SBF2: variants seen among roughly 807,000 people sequenced by gnomAD.
SBF2 encodes SET binding factor 2.
A neutral mutation model predicts 225.2 loss-of-function variants in SBF2; 112 were observed. The observed-to-expected ratio is 0.50, with a 90% CI of 0.43 to 0.58. The LOEUF (loss-of-function observed/expected upper bound fraction) is 0.58. Among genes scored for constraint, SBF2 ranks in the 20% least tolerant of loss-of-function variants. The probability of loss-of-function intolerance (pLI) is 0.00; values close to 1 mark genes in which losing one functional copy is unlikely to be tolerated. For missense variants in SBF2, 1,996 were observed against 2,206.2 expected (o/e 0.90, Z 1.91); for synonymous variants, 763 against 773.3 (o/e 0.99, Z 0.22).
chr11:9,908,202 A>G (rs185538904), intron 16 of SBF2, among the ~76,000 whole-genome samples: 47 of 146,056 alleles, frequency 3.2e-4, no homozygotes, highest in Admixed American at 3.1e-3. Flanking sequence ...AAGGGCTTGA[A>G]GAAAATTTTT....
At chr11:10,072,568 TCC>T (rs1950925919) in intron 2 of SBF2, among the ~76,000 whole-genome samples, 1 of 152,116 alleles carries the variant, frequency 6.6e-6, no homozygotes, top group Non-Finnish European at 1.5e-5. Context: ...TAAGGTGAGT[TCC>T]ATTTCAATTC....
intron 27 of SBF2, among the ~76,000 whole-genome samples, chr11:9,829,969 T>C (rs2133932693): frequency 6.6e-6 from 1 of 152,358 alleles, no homozygotes; most frequent in Admixed American, 6.5e-5. Flanking sequence ...AGCAACTTTA[T>C]TTCAATTCTG....
rs1262636398 is a variant in SBF2 at position 9,865,717 on chromosome 11, G to GA, written c.1930-7322_1930-7321insT. On this transcript the variant is annotated intron_variant, in intron 17 of 39. Coordinates refer to ENST00000256190, the MANE Select transcript of SBF2 (RefSeq NM_030962.4). Reference sequence around the variant, plus strand: ...AAAAAAAAAAAAAAAAAAAAAAAAAGGCGGGAGGCGTTGGGGGGCGAAACT... The same window carrying GA: ...AAAAAAAAAAAAAAAAAAAAAAAAAGAGCGGGAGGCGTTGGGGGGCGAAACT... Among the ~76,000 whole-genome samples, 40 of 107,664 alleles carry GA rather than the reference G, an allele frequency of 3.7e-4. 6 individuals are homozygous for GA. Among genetic ancestry groups the GA allele is most frequent in the African/African-American group, 1.3e-3 (36 of 27,658 alleles). The allele number at this position is 107,664 out of a possible 152,430, so 70.6% of individuals were successfully genotyped here. A position where few individuals can be genotyped will look rare whatever the true frequency, so the allele number is the denominator to read the frequency against.
In SBF2 at chr11:10,127,084, G is replaced by A. The variant is rs939027687; in HGVS notation, c.141+66818C>T. Among the ~76,000 whole-genome samples the A allele has an allele frequency of 1.2e-4, 18 of 151,980 alleles. 1 individual carries two copies. The highest frequency in any genetic ancestry group is 1.1e-3 in the Admixed American group (17 of 15,260). ...AAAATGAATACAGTGTTTCAGTTTC[G>A]GATGATGGAAAAGTTCTGGAGATGA... On this transcript the variant is annotated intron_variant, in intron 2 of 39. Coordinates refer to ENST00000256190, the MANE Select transcript of SBF2 (RefSeq NM_030962.4).
chr11:9,860,322 G>A (rs1042576062), intron 17 of SBF2, among the ~76,000 whole-genome samples: 2 of 149,426 alleles, frequency 1.3e-5, no homozygotes, highest in Middle Eastern at 3.3e-3. Context: ...GAGTGCAGTG[G>A]CATGATCATG....
At chr11:10,138,219 T>C (rs1360009394) in intron 2 of SBF2, among the ~76,000 whole-genome samples, 1 of 152,200 alleles carries the variant, frequency 6.6e-6, no homozygotes, top group African/African-American at 2.4e-5. Flanking sequence ...CAGCAGGTTG[T>C]GCTTTTCAAG....
chr11:10,125,606 C>A (rs1199313368), intron 2 of SBF2, among the ~76,000 whole-genome samples: 3 of 152,134 alleles, frequency 2.0e-5, no homozygotes, highest in Non-Finnish European at 4.4e-5. Context: ...ATATACCCTT[C>A]ACTCAGCATC....
At chr11:10,238,101 A>C (rs1296087729) in intron 1 of SBF2, among the ~76,000 whole-genome samples, 3 of 152,188 alleles carry the variant, frequency 2.0e-5, no homozygotes, top group Non-Finnish European at 4.4e-5. Context: ...AGAAAGAATA[A>C]AAGGATTCAA....
intron 1 of SBF2, among the ~76,000 whole-genome samples, chr11:10,203,345 C>T (rs971783221): frequency 5.3e-5 from 8 of 152,168 alleles, no homozygotes; most frequent in Admixed American, 5.2e-4. Context: ...TTGCATAATT[C>T]ACTAGGCATC....
At chr11:10,280,909 A>T (rs1410752207) in intron 1 of SBF2, among the ~76,000 whole-genome samples, 2 of 152,208 alleles carry the variant, frequency 1.3e-5, no homozygotes, top group African/African-American at 4.8e-5. Flanking sequence ...GATTATGTGT[A>T]CAGTTAACTT....
At chr11:9,866,584 G>A (rs918009288) in intron 17 of SBF2, among the ~76,000 whole-genome samples, 1 of 152,138 alleles carries the variant, frequency 6.6e-6, no homozygotes, top group Non-Finnish European at 1.5e-5. Flanking sequence ...AAATCAAAAT[G>A]AATTAAAGAC....
At chr11:10,287,064 C>T (rs1963843946) in intron 1 of SBF2, among the ~76,000 whole-genome samples, 1 of 152,172 alleles carries the variant, frequency 6.6e-6, no homozygotes, top group Non-Finnish European at 1.5e-5. Flanking sequence ...AAAGGAACAA[C>T]TGCCAATAAA....
chr11:10,131,226 ATT>A (rs151119580), intron 2 of SBF2, among the ~76,000 whole-genome samples: 17 of 144,266 alleles, frequency 1.2e-4, no homozygotes, highest in East Asian at 8.1e-4. Flanking sequence ...ATTGCCACTA[ATT>A]TTTTTTTTTT....
intron 6 of SBF2, among the ~76,000 whole-genome samples, chr11:10,020,778 C>T (rs892414000): frequency 6.6e-6 from 1 of 152,014 alleles, no homozygotes; most frequent in South Asian, 2.1e-4. Context: ...CAAAGGTTTT[C>T]CATTAAAGCA....
At position 10,277,446 on chromosome 11, in the gene SBF2, T is replaced by G. The variant is rs540148264; in HGVS notation, c.55+16569A>C. Among the ~76,000 whole-genome samples the G allele has an allele frequency of 1.8e-4, 28 of 152,330 alleles. No homozygotes were observed. The South Asian group carries it at 5.2e-3, about 28-fold the overall frequency. On this transcript the variant is annotated intron_variant, in intron 1 of 39. Transcript: ENST00000256190. ...TTGTTGCAAAATTGTTTTTAAAAAA[T>G]TAAGCCTATTTAGCACTGTTCTATC...
At chr11:10,143,934 T>G (rs1954769640) in intron 2 of SBF2, among the ~76,000 whole-genome samples, 1 of 152,084 alleles carries the variant, frequency 6.6e-6, no homozygotes, top group Non-Finnish European at 1.5e-5. Flanking sequence ...TTAGCCAGGA[T>G]GGTCTCGATC....
intron 1 of SBF2, among the ~76,000 whole-genome samples, chr11:10,196,866 A>ATATATATATATATTTTTTTTTTTTTT: frequency 3.0e-5 from 3 of 99,312 alleles, no homozygotes; most frequent in Admixed American, 1.0e-4. Flanking sequence ...ATATATATAT[A>ATATATATATATATTTTTTTTTTTTTT]TTTTTTTTTT....
At chr11:10,187,279 CCTCT>C (rs148726419) in intron 2 of SBF2, among the ~76,000 whole-genome samples, 13 of 150,134 alleles carry the variant, frequency 8.7e-5, no homozygotes, top group African/African-American at 1.7e-4. Flanking sequence ...TCCTCTCTCT[CCTCT>C]CTCTCTCTCT....
chr11:9,864,172 C>T (rs554589148), intron 17 of SBF2, among the ~76,000 whole-genome samples: 2 of 152,268 alleles, frequency 1.3e-5, no homozygotes, highest in East Asian at 3.9e-4. Flanking sequence ...AATGGGATGA[C>T]TATAAGCATC....
Sources: gnomAD v4.1 joint callset for allele counts (sites outside exome capture counted in the v4.1 genomes callset) on GRCh38, gnomAD v4.1.1 for gene constraint, MANE v1.5 for transcripts, NCBI Gene and HGNC (gene_info 2026-07-23, HGNC 2026-07-21) for gene names.